The following ZIM3 variants were observed in gnomAD, a reference collection of about 807,000 sequenced individuals.
The protein encoded by ZIM3 is zinc finger imprinted 3.
A neutral mutation model predicts 12.9 loss-of-function variants in ZIM3; 11 were observed. The observed-to-expected ratio is 0.85, with a 90% CI of 0.54 to 1.41. The LOEUF (loss-of-function observed/expected upper bound fraction) is 1.41, where lower values mean the gene tolerates loss of function less well. Among genes scored for constraint, ZIM3 ranks in the 40% most tolerant of loss-of-function variants. The pLI, the probability that ZIM3 is intolerant of heterozygous loss-of-function variation, is 0.00. For synonymous variants in ZIM3, 205 were observed against 198.5 expected (o/e 1.03, Z -0.28); for missense variants, 604 against 557.2 (o/e 1.08, Z -0.85).
At chr19:57,143,804 T>C (rs568653430) in intron 1 of ZIM3, among the ~76,000 whole-genome samples, 6 of 151,736 alleles carry the variant, frequency 4.0e-5, no homozygotes, top group African/African-American at 1.4e-4. Flanking sequence ...GCCTCCCGTG[T>C]AGCTGGGATT....
intron 3 of ZIM3, among the ~76,000 whole-genome samples, chr19:57,138,106 A>G (rs11883420): frequency 6.6e-5 from 4 of 60,160 alleles, no homozygotes; most frequent in Non-Finnish European, 1.2e-4. Flanking sequence ...GAGGAAGGGA[A>G]GGAGGCAGGG....
chr19:57,141,661 G>C (rs1194076764), intron 2 of ZIM3, among the ~76,000 whole-genome samples: 1 of 151,950 alleles, frequency 6.6e-6, no homozygotes, highest in Non-Finnish European at 1.5e-5. Flanking sequence ...GGCCAGCCTG[G>C]CCAACATGGT....
rs140084754 is a variant in ZIM3, at chr19:57,135,049, G to A, written c.1288C>T (p.Arg430Trp). 6.7e-4 allele frequency: 1,083 copies of A among 1,614,040 alleles called. 1 individual carries two copies. The highest frequency in any genetic ancestry group is 8.4e-4 in the Non-Finnish European group (995 of 1,180,008). Reference sequence around the variant, plus strand: ...TTATGCAAACTAAGGTTTAATTTCCGGATGAAGGTTTTTCCACATTCACTA... The same window carrying A: ...TTATGCAAACTAAGGTTTAATTTCCAGATGAAGGTTTTTCCACATTCACTA... The part of the protein sequence containing the change: ...RCSECGKTFI[R>W]KLNLSLHKKT... The change falls in exon 5 of 5, where the codon CGG becomes TGG. Residue 430 changes from arginine (R) to tryptophan (W), a missense_variant. Arg to Trp is a moderately radical substitution (Grantham distance 101). Coordinates refer to ENST00000269834, the MANE Select transcript of ZIM3 (RefSeq NM_052882.1).
chr19:57,136,752 C>T (rs1046994046), intron 4 of ZIM3, 121 bp downstream of exon 4: 6 of 718,356 alleles, frequency 8.4e-6, no homozygotes, highest in Non-Finnish European at 1.4e-5. Flanking sequence ...AGAAAAATAC[C>T]TGGAGATTTC....
At chr19:57,143,624 C>T (rs1568460214) in intron 1 of ZIM3, among the ~76,000 whole-genome samples, 2 of 151,820 alleles carry the variant, frequency 1.3e-5, no homozygotes, top group African/African-American at 4.8e-5. Context: ...CACCTATAAT[C>T]CCAGCACTTT....
intron 2 of ZIM3, among the ~76,000 whole-genome samples, chr19:57,139,334 AAAAAAG>A (rs988799753): frequency 9.9e-5 from 15 of 152,100 alleles, no homozygotes; most frequent in East Asian, 1.9e-4. Flanking sequence ...GTCTCAAGAA[AAAAAAG>A]AAAAAGAAAA....
rs2086880402 is a variant in ZIM3, at chr19:57,135,245, C to T, written c.1092G>A (p.Glu364=). 6.2e-7 allele frequency: 1 copy of T among 1,614,044 alleles called. No homozygotes were observed. Among genetic ancestry groups the T allele is most frequent in the South Asian group, 1.1e-5 (1 of 91,076 alleles). ...EKIHTGKRAY[E]CDLCGNTFIQ... is the part of the protein sequence containing the mutation. ...TAAAGGTATTTCCACATAGATCACA[C>T]TCATAAGCTCTCTTCCCAGTGTGAA... The change falls in exon 5 of 5, where the codon GAG becomes GAA. Residue 364 remains glutamate (E), a synonymous_variant. Transcript: ENST00000269834.
chr19:57,134,768 G>A lies in ZIM3; in HGVS notation c.*150C>T. 4.2e-6 allele frequency: 3 copies of A among 718,862 alleles called. No homozygotes were observed. Among genetic ancestry groups the A allele is most frequent in the East Asian group, 5.4e-5 (2 of 37,230 alleles). The allele number at this position is 718,862 out of a possible 1,614,324, so 44.5% of individuals were successfully genotyped here. On this transcript the variant is annotated 3_prime_UTR_variant, in exon 5 of 5. Coordinates refer to ENST00000269834, the MANE Select transcript of ZIM3 (RefSeq NM_052882.1). ...TAATAAACATTTGCTGAGTGAGTAT[G>A]CCGAATGGGTTTTCAAAGGATACTG...
chr19:57,138,377 G>T (rs2086899358), intron 3 of ZIM3, 95 bp downstream of exon 3: 1 of 1,559,884 alleles, frequency 6.4e-7, no homozygotes. Flanking sequence ...GAAGTGAGGA[G>T]CACCTCTGTG....
chr19:57,143,707 G>A lies in ZIM3; in HGVS notation c.-42-1022C>T, dbSNP rs140199438. 4.5e-3 allele frequency among the ~76,000 whole-genome samples: 650 copies of A among 145,542 alleles called. 2 individuals carry two copies. Among genetic ancestry groups the A allele is most frequent in the African/African-American group, 0.016 (624 of 39,054 alleles). On this transcript the variant is annotated intron_variant, in intron 1 of 4. Transcript: ENST00000269834. Reference sequence around the variant, plus strand: ...TTTTTTTTTTTTAAGACCAAGTCTTGCTCTGTCGCCCAGGCTGGAGTGCAG... The same window carrying A: ...TTTTTTTTTTTTAAGACCAAGTCTTACTCTGTCGCCCAGGCTGGAGTGCAG...
chr19:57,135,361 G>T lies in ZIM3; in HGVS notation c.976C>A (p.Gln326Lys). ...GGTTTCTCTCCCGTGTGTATTCTCTGGTGTTTCACAAGATCTGACTTGTAA... is the reference window on the plus strand; with the variant it reads ...GGTTTCTCTCCCGTGTGTATTCTCTTGTGTTTCACAAGATCTGACTTGTAA... ...FIYKSDLVKH[Q>K]RIHTGEKPYK... Residue 326 changes from glutamine (Q) to lysine (K), a missense_variant, in exon 5 of 5, where the codon CAG becomes AAG. Physicochemically the swap from Gln to Lys is moderately conservative, Grantham distance 53 (BLOSUM62 1). Transcript: ENST00000269834. The T allele has an allele frequency of 6.2e-7, 1 of 1,613,856 alleles. No homozygotes were observed. Among genetic ancestry groups the T allele is most frequent in the East Asian group, 2.2e-5 (1 of 44,858 alleles).
Position 57,138,553 on chromosome 19 carries a change from C to G in ZIM3, c.61G>C (p.Glu21Gln). ...TGTTCGGGATTCAGCCGCTGCCACT[C>G]CCCCTGGGTGAAGTTCACAGTGACA... ...EDVTVNFTQGEWQRLNPEQRN... is the reference protein window; with the variant it reads ...EDVTVNFTQGQWQRLNPEQRN... Residue 21 changes from glutamate to glutamine, a missense_variant, in exon 3 of 5, where the codon GAG becomes CAG. Physicochemically the swap from Glu to Gln is conservative, Grantham distance 29 (BLOSUM62 2). Transcript: ENST00000269834. The G allele has an allele frequency of 6.2e-7, 1 of 1,614,044 alleles. No homozygotes were observed. Among genetic ancestry groups the G allele is most frequent in the Non-Finnish European group, 8.5e-7 (1 of 1,179,968 alleles).
Position 57,136,677 on chromosome 19 carries a change from G to A in ZIM3, c.241+196C>T, listed in dbSNP as rs7409045. Among the ~76,000 whole-genome samples, 197 of 140,790 alleles carry A rather than the reference G, an allele frequency of 1.4e-3. 1 individual carries two copies. Among genetic ancestry groups the A allele is most frequent in the Middle Eastern group, 3.8e-3 (1 of 264 alleles). 92.4% of individuals were successfully genotyped at this position (140,790 alleles called of 152,430 possible). A position where few individuals can be genotyped will look rare whatever the true frequency, so the allele number is the denominator to read the frequency against. On this transcript the variant is annotated intron_variant, in intron 4 of 4. Transcript: ENST00000269834. ...TCCGTTTCCAGAAAAAAAAAAAAAA[G>A]AAAAAAAAAAGAGTTTGCCTGCAAA... is the stretch of plus-strand genomic sequence containing the variant.
Position 57,135,884 on chromosome 19 carries a change from G to A in ZIM3, c.453C>T (p.Tyr151=). The A allele has an allele frequency of 1.2e-6, 2 of 1,614,028 alleles. No homozygotes were observed. Among genetic ancestry groups the A allele is most frequent in the Non-Finnish European group, 1.7e-6 (2 of 1,180,002 alleles). ...ATGGATTATTGCCAACTAATTTTCT[G>A]TATCCATTATCATCGTGAGAATTAT... ...VQNNSHDDNG[Y]RKLVGNNPSK... is the part of the protein sequence containing the mutation. The change falls in exon 5 of 5, where the codon TAC becomes TAT. Residue 151 remains tyrosine, a synonymous_variant. Transcript: ENST00000269834.
intron 2 of ZIM3, among the ~76,000 whole-genome samples, chr19:57,139,157 T>A (rs890363703): frequency 6.6e-6 from 1 of 151,614 alleles, no homozygotes; most frequent in Non-Finnish European, 1.5e-5. Context: ...AGAAACCCCA[T>A]CTCTACTAAA....
chr19:57,140,418 T>C (rs1412758305), intron 2 of ZIM3, among the ~76,000 whole-genome samples: 2 of 152,080 alleles, frequency 1.3e-5, no homozygotes, highest in Non-Finnish European at 1.5e-5. Context: ...TCAAGTGATC[T>C]GCCCGCATCG....
chr19:57,143,758 C>A (rs1256671271), intron 1 of ZIM3, among the ~76,000 whole-genome samples: 2 of 150,576 alleles, frequency 1.3e-5, no homozygotes, highest in African/African-American at 4.9e-5. Context: ...TCACTGCAAC[C>A]TCTGCCTCCC....
At chr19:57,144,677 T>C (rs2086929673) in intron 1 of ZIM3, among the ~76,000 whole-genome samples, 182 bp downstream of exon 1, 1 of 152,078 alleles carries the variant, frequency 6.6e-6, no homozygotes, top group African/African-American at 2.4e-5. Context: ...ATTTTGAGTG[T>C]CCTGGGAGCA....
chr19:57,138,320 A>G, intron 3 of ZIM3, 152 bp downstream of exon 3: 1 of 1,105,804 alleles, frequency 9.0e-7, no homozygotes, highest in Non-Finnish European at 1.3e-6. Flanking sequence ...AGCACTTGGT[A>G]CACTTCACTT....
Sources: gnomAD v4.1 joint callset for allele counts (sites outside exome capture counted in the v4.1 genomes callset) on GRCh38, gnomAD v4.1.1 for gene constraint, MANE v1.5 for transcripts, NCBI Gene and HGNC (gene_info 2026-07-23, HGNC 2026-07-21) for gene names.